ADARB2: variants seen among roughly 807,000 people sequenced by gnomAD.
The protein encoded by ADARB2 is adenosine deaminase RNA specific B2 (inactive).
A neutral mutation model predicts 62.2 loss-of-function variants in ADARB2; 25 were observed. The ratio of observed to expected loss-of-function variants is 0.40; its 90% CI spans 0.29 to 0.56. The LOEUF is 0.56. ADARB2 is among the 20% of genes least tolerant of loss of function. ADARB2 has a pLI of 0.43. For synonymous variants in ADARB2, 572 were observed against 500.8 expected (o/e 1.14, Z -1.90); for missense variants, 1,071 against 1,077.4 (o/e 0.99, Z 0.08).
chr10:1,670,158 TC>T (rs1397546984), intron 1 of ADARB2, among the ~76,000 whole-genome samples: 1 of 152,230 alleles, frequency 6.6e-6, no homozygotes, highest in Non-Finnish European at 1.5e-5. Flanking sequence ...ATCTTTATAA[TC>T]CAGCCAATAT....
intron 1 of ADARB2, among the ~76,000 whole-genome samples, chr10:1,416,717 C>A (rs966446042): frequency 6.6e-6 from 1 of 152,256 alleles, no homozygotes; most frequent in Non-Finnish European, 1.5e-5. Flanking sequence ...TGGCAGTCAA[C>A]CAGGTGCTCC....
chr10:1,672,772 T>G (rs1301576561), intron 1 of ADARB2, among the ~76,000 whole-genome samples: 44 of 145,456 alleles, frequency 3.0e-4, no homozygotes, highest in Non-Finnish European at 5.7e-4. Flanking sequence ...CACTTCCCCT[T>G]CCTCCCTCCC....
At chr10:1,650,733 A>G (rs974767021) in intron 1 of ADARB2, among the ~76,000 whole-genome samples, 1 of 152,116 alleles carries the variant, frequency 6.6e-6, no homozygotes, top group African/African-American at 2.4e-5. Context: ...GCAGTCCCGG[A>G]TAGGGGAGTA....
intron 1 of ADARB2, among the ~76,000 whole-genome samples, chr10:1,455,975 T>C (rs1251191242): frequency 6.6e-6 from 1 of 152,226 alleles, no homozygotes; most frequent in African/African-American, 2.4e-5. Flanking sequence ...CTTGGCGAAC[T>C]CATGCATAGA....
At chr10:1,463,360 C>T (rs1241241094) in intron 1 of ADARB2, among the ~76,000 whole-genome samples, 1 of 152,164 alleles carries the variant, frequency 6.6e-6, no homozygotes, top group Non-Finnish European at 1.5e-5. Context: ...TGTCCCTGGT[C>T]CCTGCTCAGA....
In ADARB2 at chr10:1,363,023, C is replaced by T. The variant is rs1832274926; in HGVS notation, c.1077+5G>A. Reference sequence around the variant, plus strand: ...CGTTCCCCCTGCACCCGCCGCGCCCCTCACCTGCGGCATTGGCGTCCTCCT... The same window carrying T: ...CGTTCCCCCTGCACCCGCCGCGCCCTTCACCTGCGGCATTGGCGTCCTCCT... On this transcript the variant is annotated splice_donor_5th_base_variant and intron_variant, in intron 3 of 9. Coordinates refer to ENST00000381312, the MANE Select transcript of ADARB2 (RefSeq NM_018702.4). 10 of 1,368,962 alleles carry T rather than the reference C, an allele frequency of 7.3e-6. No individual in the cohort carries two copies. The highest frequency in any genetic ancestry group is 3.0e-5 in the Admixed American group (1 of 33,438). 84.8% of individuals were successfully genotyped at this position (1,368,962 alleles called of 1,614,324 possible). A position where few individuals can be genotyped will look rare whatever the true frequency, so the allele number is the denominator to read the frequency against.
chr10:1,411,953 A>G (rs1832763501), intron 1 of ADARB2, among the ~76,000 whole-genome samples: 1 of 152,238 alleles, frequency 6.6e-6, no homozygotes, highest in Admixed American at 6.5e-5. Flanking sequence ...AACAGCCTTT[A>G]CTCAGAGTGG....
chr10:1,214,462 C>T (rs900920423), intron 7 of ADARB2, among the ~76,000 whole-genome samples: 12 of 136,164 alleles, frequency 8.8e-5, no homozygotes, highest in African/African-American at 3.2e-4. Context: ...CCCAGCGTTG[C>T]GTGGGTTTGC....
At chr10:1,459,396 C>A (rs1423811857) in intron 1 of ADARB2, among the ~76,000 whole-genome samples, 1 of 152,204 alleles carries the variant, frequency 6.6e-6, no homozygotes, top group Non-Finnish European at 1.5e-5. Flanking sequence ...GAGCTGGAGC[C>A]ATTCTCCTTA....
chr10:1,264,583 G>C (rs1277155844), intron 4 of ADARB2, among the ~76,000 whole-genome samples: 2 of 152,182 alleles, frequency 1.3e-5, no homozygotes, highest in Non-Finnish European at 2.9e-5. Context: ...CAGACAGTAC[G>C]GACACATTTC....
intron 4 of ADARB2, among the ~76,000 whole-genome samples, chr10:1,247,171 A>C (rs1221219354): frequency 6.6e-6 from 1 of 152,188 alleles, no homozygotes; most frequent in Admixed American, 6.6e-5. Flanking sequence ...ATTTTTGTAC[A>C]TTGATTTTGT....
At chr10:1,496,075 TATCATCGTCATCACCATC>T (rs1196825766) in intron 1 of ADARB2, among the ~76,000 whole-genome samples, 4 of 150,944 alleles carry the variant, frequency 2.6e-5, no homozygotes, top group Non-Finnish European at 4.4e-5. Context: ...CCATCACTAT[TATCATCGTCATCACCATC>T]ATCATCGTCA....
chr10:1,691,952 T>C (rs558398840), intron 1 of ADARB2, among the ~76,000 whole-genome samples: 10 of 152,336 alleles, frequency 6.6e-5, no homozygotes, highest in African/African-American at 2.4e-4. Flanking sequence ...ACTGGATTAA[T>C]GTCCACCATT....
intron 1 of ADARB2, among the ~76,000 whole-genome samples, chr10:1,406,675 C>T (rs780485362): frequency 6.6e-6 from 1 of 152,122 alleles, no homozygotes; most frequent in African/African-American, 2.4e-5. Flanking sequence ...AAGGCTTTGG[C>T]GGGGGAGCCC....
chr10:1,657,034 T>A (rs1004554965), intron 1 of ADARB2, among the ~76,000 whole-genome samples: 1 of 141,588 alleles, frequency 7.1e-6, no homozygotes, highest in African/African-American at 2.6e-5. Flanking sequence ...TGTGTGGTGT[T>A]TAACAAAAGT....
At position 1,293,804 on chromosome 10, in the gene ADARB2, G is replaced by C. The variant is rs138437801; in HGVS notation, c.1078-22735C>G. Among the ~76,000 whole-genome samples the C allele has an allele frequency of 2.5e-3, 386 of 152,226 alleles. 1 individual carries two copies. Among genetic ancestry groups the C allele is most frequent in the Non-Finnish European group, 4.8e-3 (325 of 68,020 alleles). On this transcript the variant is annotated intron_variant, in intron 3 of 9. Transcript: ENST00000381312. ...AAGGCTTTTCTTCCCTCTCAGATGTGATAAAAATCTTGCCTAAAACCATGT... is the reference window on the plus strand; with the variant it reads ...AAGGCTTTTCTTCCCTCTCAGATGTCATAAAAATCTTGCCTAAAACCATGT...
chr10:1,395,712 G>A (rs1285305249), intron 1 of ADARB2, among the ~76,000 whole-genome samples: 1 of 152,156 alleles, frequency 6.6e-6, no homozygotes. Flanking sequence ...CCCTATCTGC[G>A]TCCTGGGCAG....
intron 1 of ADARB2, among the ~76,000 whole-genome samples, chr10:1,526,278 C>G (rs1588287956): frequency 6.6e-6 from 1 of 152,022 alleles, no homozygotes; most frequent in African/African-American, 2.4e-5. Flanking sequence ...CAGTCATTAA[C>G]GAGCATGCCT....
intron 1 of ADARB2, among the ~76,000 whole-genome samples, chr10:1,512,011 T>C (rs1441838901): frequency 6.6e-6 from 1 of 151,636 alleles, no homozygotes; most frequent in Non-Finnish European, 1.5e-5. Context: ...CTACATTGGA[T>C]ACCAAGAGGT....
Sources: gnomAD v4.1 joint callset for allele counts (sites outside exome capture counted in the v4.1 genomes callset) on GRCh38, gnomAD v4.1.1 for gene constraint, MANE v1.5 for transcripts, NCBI Gene and HGNC (gene_info 2026-07-23, HGNC 2026-07-21) for gene names.